Variants in COL16A1 observed in about 807,000 individuals in gnomAD.
COL16A1 encodes collagen alpha-1(XVI) chain.
In COL16A1, 189 loss-of-function variants were observed where a neutral mutation model predicts 266.3. The ratio of observed to expected loss-of-function variants is 0.71; its 90% CI spans 0.63 to 0.80. The LOEUF is 0.80. Among genes scored for constraint, COL16A1 ranks in the 30% least tolerant of loss-of-function variants. The pLI is 0.00. For missense variants in COL16A1, 1,928 were observed against 2,122.4 expected (o/e 0.91, Z 1.80); for synonymous variants, 740 against 782.3 (o/e 0.95, Z 0.90).
At chr1:31,660,441 C>A in intron 62 of COL16A1, 144 bp downstream of exon 62, 1 of 1,057,000 alleles carries the variant, frequency 9.5e-7, no homozygotes, top group African/African-American at 1.6e-5. Flanking sequence ...GCCTGGAAAC[C>A]ACAGAAGGAG....
chr1:31,686,435 A>T, intron 26 of COL16A1, 156 bp from the exon 27 acceptor site: 1 of 1,037,378 alleles, frequency 9.6e-7, no homozygotes, highest in Admixed American at 2.0e-5. Flanking sequence ...TCCCCAAGGG[A>T]GTCTGTAACC....
intron 27 of COL16A1, 34 bp downstream of exon 27, chr1:31,686,210 T>C (rs376741009): frequency 6.2e-7 from 1 of 1,613,994 alleles, no homozygotes. Context: ...CACCTTGTCC[T>C]CTCCCAAGCT....
At chr1:31,701,330 G>A (rs1428293616) in intron 2 of COL16A1, 3 of 985,338 alleles carry the variant, frequency 3.0e-6, no homozygotes, top group South Asian at 4.7e-5. Flanking sequence ...CAAAGCTCAC[G>A]CACACACAAG....
Position 31,668,869 on chromosome 1 carries a change from A to C in COL16A1, c.3196-14T>G. 6.2e-7 allele frequency: 1 copy of C among 1,612,734 alleles called. No individual in the cohort carries two copies. Among genetic ancestry groups the C allele is most frequent in the Admixed American group, 1.7e-5 (1 of 59,840 alleles). On this transcript the variant is annotated splice_polypyrimidine_tract_variant and intron_variant, in intron 49 of 70. Transcript: ENST00000373672. The surrounding 1 kb of genome is among the most constrained non-coding windows in gnomAD (Gnocchi z 5.8). ...TCCTTGAAGGCCCTTGGAGAGAAAA[A>C]TCATGAGAAACTGCAGGAGCCGGCG...
At chr1:31,666,365 C>G (rs1557626102) in intron 52 of COL16A1, 2 of 470,230 alleles carry the variant, frequency 4.3e-6, no homozygotes, top group Non-Finnish European at 7.5e-6. Flanking sequence ...CTCTCTTGCT[C>G]AAACACCTTA....
In COL16A1 at chr1:31,670,564, C is replaced by T. The variant is rs752728575; in HGVS notation, c.3195+38G>A. The T allele has an allele frequency of 3.1e-5, 42 of 1,355,812 alleles. No homozygotes were observed. In the Middle Eastern group the frequency reaches 7.5e-4, roughly 24 times the overall value. 84.0% of individuals were successfully genotyped at this position (1,355,812 alleles called of 1,614,324 possible). On this transcript the variant is annotated intron_variant, in intron 49 of 70. Transcript: ENST00000373672. This position sits in a 1 kb window ranked among gnomAD's most constrained non-coding sequence, Gnocchi z 4.5. The stretch of plus-strand genomic sequence containing the variant: ...GCAAAAGCCACAGAGACCTGGCTGA[C>T]GGGGGGGAGGGGAGGTCGAGCAGCG...
Position 31,692,513 on chromosome 1 carries a change from AGAT to A in COL16A1, c.1159-7_1159-5del, listed in dbSNP as rs750864634. ...AGCCTGGGAGTCCTGAGGGTCCCTG[AGAT>A]GAGGAAGGGAGACAGAGGAAGGGAG... On this transcript the variant is annotated splice_region_variant and splice_polypyrimidine_tract_variant and intron_variant, in intron 15 of 70. Coordinates refer to ENST00000373672, the MANE Select transcript of COL16A1 (RefSeq NM_001856.4). 2.2e-5 allele frequency: 35 copies of A among 1,613,800 alleles called. 1 individual carries two copies. The South Asian group carries it at 3.7e-4, about 17-fold the overall frequency.
At chr1:31,672,168 C>T (rs1642772951) in intron 47 of COL16A1, among the ~76,000 whole-genome samples, 1 of 152,142 alleles carries the variant, frequency 6.6e-6, no homozygotes, top group Admixed American at 6.6e-5. Context: ...TTGAGCCGAG[C>T]TGAAGGAGTG....
intron 55 of COL16A1, 120 bp downstream of exon 55, chr1:31,665,463 T>C (rs987705841): frequency 1.5e-5 from 24 of 1,573,950 alleles, no homozygotes; most frequent in Non-Finnish European, 1.8e-5. Flanking sequence ...CCCAGGCCGT[T>C]CTCCCCTGCC....
chr1:31,694,625 A>G (rs952719108), intron 11 of COL16A1, among the ~76,000 whole-genome samples: 1 of 152,180 alleles, frequency 6.6e-6, no homozygotes, highest in African/African-American at 2.4e-5. Flanking sequence ...TCAACTCAGA[A>G]TGTTAGGCCC....
At chr1:31,654,879 C>T (rs748629564) in intron 67 of COL16A1, 21 bp from the exon 68 acceptor site, 6 of 1,613,398 alleles carry the variant, frequency 3.7e-6, no homozygotes, top group Non-Finnish European at 4.2e-6. Context: ...AGAAGAAAAC[C>T]TGCCTCAATT....
At position 31,658,559 on chromosome 1, in the gene COL16A1, C is replaced by T; in HGVS notation, c.3949G>A (p.Gly1317Arg). Residue 1317 changes from glycine (G) to arginine (R), a missense_variant, in exon 64 of 71, where the codon GGA (glycine) becomes AGA (arginine). By Grantham distance (125) the Gly-to-Arg change is moderately radical. Transcript: ENST00000373672. The part of the protein sequence containing the change: ...ISAVGLKGDR[G>R]ATGERGLAGL... ...GCAAGGCCCCTTTCTCCGGTGGCTC[C>T]TCGGTCTCCTTTCAGACCCTAGAGA... The T allele has an allele frequency of 6.9e-6, 11 of 1,604,356 alleles. No individual in the cohort carries two copies. The highest frequency in any genetic ancestry group is 7.7e-6 in the Non-Finnish European group (9 of 1,176,404).
At position 31,661,427 on chromosome 1, in the gene COL16A1, A is replaced by G; in HGVS notation, c.3758T>C (p.Leu1253Pro). Residue 1253 changes from leucine (L) to proline (P), a missense_variant, in exon 60 of 71, where the codon CTC becomes CCC. Leu to Pro is a moderately conservative substitution (Grantham distance 98). This residue lies in a region of COL16A1 where 376 missense variants were observed against 485.2 expected (regional missense o/e 0.77). Coordinates refer to ENST00000373672, the MANE Select transcript of COL16A1 (RefSeq NM_001856.4). ...GFKGKTGHPG[L>P]PGPKGDCGKP... ...ACCAGCCCTTACCTTAGGTCCTGGG[A>G]GGCCAGGATGTCCTGTTTTCCCCTT... 5 of 1,614,106 alleles carry G rather than the reference A, an allele frequency of 3.1e-6. No individual in the cohort carries two copies. The highest frequency in any genetic ancestry group is 4.2e-6 in the Non-Finnish European group (5 of 1,180,036).
At position 31,684,218 on chromosome 1, in the gene COL16A1, G is replaced by T. The variant is rs1643864643; in HGVS notation, c.2174C>A (p.Thr725Asn). 6.6e-7 allele frequency: 1 copy of T among 1,504,630 alleles called. No individual in the cohort carries two copies. Among genetic ancestry groups the T allele is most frequent in the African/African-American group, 1.4e-5 (1 of 71,904 alleles). 93.2% of individuals were successfully genotyped at this position (1,504,630 alleles called of 1,614,324 possible). ...TGTCCCCTGCAGGCTGGGGCAGGCA[G>T]TGCAGCCATCACCCTGGTCAGAGAT... ...GPKGEKGDGC[T>N]ACPSLQGTVT... Residue 725 changes from threonine (T) to asparagine (N), a missense_variant, in exon 32 of 71, where the codon ACT becomes AAT. By Grantham distance (65) the Thr-to-Asn change is moderately conservative (BLOSUM62 0). Around this residue, in one of 2 missense-constraint regions of COL16A1, gnomAD observed 1,552 missense variants for 1,637.2 expected, o/e 0.95. Transcript: ENST00000373672.
chr1:31,672,870 C>T lies in COL16A1; in HGVS notation c.2860-30G>A, dbSNP rs757421249. 6 of 1,607,330 alleles carry T rather than the reference C, an allele frequency of 3.7e-6. No individual in the cohort carries two copies. In the East Asian group the frequency reaches 6.7e-5, roughly 18 times the overall value. ...TCAGGGAGTGGGGAGAGGAGTGGGG[C>T]CTGGGTTAGAGATGGGCAGGATGGG... On this transcript the variant is annotated intron_variant, in intron 44 of 70. Transcript: ENST00000373672.
At chr1:31,701,653 C>T (rs1371793087) in intron 2 of COL16A1, 17 of 806,058 alleles carry the variant, frequency 2.1e-5, no homozygotes, top group Non-Finnish European at 2.3e-5. Context: ...AGGAGAAGCA[C>T]GTGAGCTAGA....
At position 31,696,075 on chromosome 1, in the gene COL16A1, C is replaced by A; in HGVS notation, c.918+13G>T. ...GAGGGCAGGTAGGCTCCTCCCCCCACCCCCACCTCTACCTTTGCTCCCCTT... is the reference window on the plus strand; with the variant it reads ...GAGGGCAGGTAGGCTCCTCCCCCCAACCCCACCTCTACCTTTGCTCCCCTT... On this transcript the variant is annotated intron_variant, in intron 9 of 70. Transcript: ENST00000373672. 1.3e-6 allele frequency: 2 copies of A among 1,591,846 alleles called. No homozygotes were observed. Among genetic ancestry groups the A allele is most frequent in the South Asian group, 1.1e-5 (1 of 90,502 alleles).
chr1:31,671,074 C>G (rs779546345), intron 48 of COL16A1, among the ~76,000 whole-genome samples: 2 of 152,230 alleles, frequency 1.3e-5, no homozygotes, highest in African/African-American at 4.8e-5. Context: ...TCAATCTTTC[C>G]TAGTCACTTC....
chr1:31,666,217 C>T, intron 52 of COL16A1, 136 bp from the exon 53 acceptor site: 1 of 913,792 alleles, frequency 1.1e-6, no homozygotes. Context: ...CCCCCTCTGC[C>T]TGATCTGCTC....
Sources: allele counts gnomAD v4.1 joint callset (sites outside exome capture counted in the v4.1 genomes callset), GRCh38; gene constraint gnomAD v4.1.1; regional missense constraint gnomAD v4.1.1; non-coding constraint Gnocchi (gnomAD v3.1); transcripts MANE v1.5; gene names NCBI Gene and HGNC (gene_info 2026-07-23, HGNC 2026-07-21).